MLIP: variants seen among roughly 807,000 people sequenced by gnomAD.
The protein encoded by MLIP is muscular LMNA-interacting protein.
MLIP carries 79 observed loss-of-function variants against 84.8 expected under a neutral mutation model. The ratio of observed to expected loss-of-function variants is 0.93; its 90% CI spans 0.78 to 1.12. The LOEUF (loss-of-function observed/expected upper bound fraction) is 1.12, where lower values mean the gene tolerates loss of function less well. MLIP is among the 50% of genes most tolerant of loss of function. The probability of loss-of-function intolerance (pLI) is 0.00; values close to 1 mark genes in which losing one functional copy is unlikely to be tolerated. For synonymous variants in MLIP, 504 were observed against 463.0 expected, an observed-to-expected ratio of 1.09 and a Z score of -1.14; for missense variants, 1,257 against 1,160.6, an observed-to-expected ratio of 1.08 and a Z score of -1.21.
chr6:54,173,270 C>T (rs985113320), intron 9 of MLIP, among the ~76,000 whole-genome samples: 1 of 151,740 alleles, frequency 6.6e-6, no homozygotes, highest in Non-Finnish European at 1.5e-5. Flanking sequence ...GATACTTCTA[C>T]ATACTTGTAG....
At chr6:54,057,624 C>T (rs147889302) in intron 1 of MLIP, among the ~76,000 whole-genome samples, 5 of 152,236 alleles carry the variant, frequency 3.3e-5, no homozygotes, top group South Asian at 2.1e-4. Context: ...AAATACTAAT[C>T]GATTTCTGCT....
chr6:54,228,103 A>C (rs1780709648), intron 11 of MLIP, among the ~76,000 whole-genome samples: 1 of 69,282 alleles, frequency 1.4e-5, no homozygotes. Flanking sequence ...GAATGGCATG[A>C]ACCCCGGAGG....
chr6:54,125,376 G>A (rs1770837457), intron 3 of MLIP, among the ~76,000 whole-genome samples: 1 of 152,168 alleles, frequency 6.6e-6, no homozygotes, highest in Non-Finnish European at 1.5e-5. Context: ...TGTATCCTAA[G>A]GAAAACATCT....
At position 54,149,136 on chromosome 6, in the gene MLIP, T is replaced by C; in HGVS notation, c.2289+9T>C. ...TGCTTTTGGAACAGAAGGTCAGTGT[T>C]GGCTCAAAAACAGTGAATTTTACAT... On this transcript the variant is annotated intron_variant, in intron 5 of 13. Transcript: ENST00000502396. 6.2e-7 allele frequency: 1 copy of C among 1,608,220 alleles called. No homozygotes were observed. The highest frequency in any genetic ancestry group is 8.5e-7 in the Non-Finnish European group (1 of 1,176,470).
intron 1 of MLIP, among the ~76,000 whole-genome samples, chr6:54,034,340 A>G (rs1253221810): frequency 6.6e-6 from 1 of 152,192 alleles, no homozygotes; most frequent in Non-Finnish European, 1.5e-5. Context: ...TTTCACTAAC[A>G]CTAAATAAAT....
At chr6:54,147,517 T>C (rs765387225) in intron 4 of MLIP, among the ~76,000 whole-genome samples, 4 of 151,956 alleles carry the variant, frequency 2.6e-5, no homozygotes, top group African/African-American at 7.3e-5. Context: ...GAGATGGGAG[T>C]GTAGGTTCCT....
At chr6:54,035,031 G>T (rs1460177476) in intron 1 of MLIP, among the ~76,000 whole-genome samples, 1 of 152,070 alleles carries the variant, frequency 6.6e-6, no homozygotes, top group Non-Finnish European at 1.5e-5. Context: ...TGTTGTACAG[G>T]TTTGTAGCCT....
In MLIP at chr6:54,160,769, A is replaced by G. The variant is rs1325170762; in HGVS notation, c.2469A>G (p.Pro823=). The G allele has an allele frequency of 2.5e-6, 4 of 1,604,486 alleles. No homozygotes were observed. Among genetic ancestry groups the G allele is most frequent in the South Asian group, 1.1e-5 (1 of 90,790 alleles). ...CTTCTGATTCTCCTTCAAGGTCCCC[A>G]AAGACATTGTTGGGTTCTGACACAG... ...MHSSDSPSRS[P]KTLLGSDTVK... is the part of the protein sequence containing the mutation. Residue 823 remains proline (P), a synonymous_variant, in exon 8 of 14, where the codon CCA becomes CCG. Coordinates refer to ENST00000502396, the MANE Select transcript of MLIP (RefSeq NM_001281747.2).
At chr6:54,105,865 A>G (rs80343398) in intron 1 of MLIP, among the ~76,000 whole-genome samples, 1,682 of 152,136 alleles carry the variant, frequency 0.011, 22 homozygotes, top group Non-Finnish European at 0.017. Context: ...AGAAAAGGGG[A>G]GAGTGGTAGG....
intron 4 of MLIP, among the ~76,000 whole-genome samples, chr6:54,144,556 C>T (rs1474162271): frequency 9.2e-5 from 14 of 152,180 alleles, no homozygotes; most frequent in Admixed American, 9.2e-4. Flanking sequence ...AGATCCTTTG[C>T]CTGTGCAGTC....
intron 1 of MLIP, among the ~76,000 whole-genome samples, chr6:54,020,957 C>T (rs1350746254): frequency 6.6e-6 from 1 of 152,148 alleles, no homozygotes; most frequent in Non-Finnish European, 1.5e-5. Context: ...GAACCTGGCA[C>T]CTTTCAGATA....
intron 11 of MLIP, chr6:54,215,536 G>T: frequency 2.6e-6 from 1 of 388,640 alleles, no homozygotes; most frequent in Non-Finnish European, 3.9e-6. Flanking sequence ...TGATGTATGT[G>T]TACATTGTAT....
At chr6:54,024,396 A>T (rs926859734) in intron 1 of MLIP, among the ~76,000 whole-genome samples, 4 of 152,226 alleles carry the variant, frequency 2.6e-5, no homozygotes, top group Non-Finnish European at 5.9e-5. Context: ...AACAAAAAAC[A>T]TGAGATTCGT....
In MLIP at chr6:54,265,193, T is replaced by A. The variant is rs145675391; in HGVS notation, c.2977-757T>A. Among the ~76,000 whole-genome samples, 600 of 152,280 alleles carry A rather than the reference T, an allele frequency of 3.9e-3. 3 individuals are homozygous for A. Among genetic ancestry groups the A allele is most frequent in the African/African-American group, 0.014 (567 of 41,576 alleles). On this transcript the variant is annotated intron_variant, in intron 13 of 13. Transcript: ENST00000502396. ...CCATTGGTGTTATTCCGTCACATTG[T>A]TCTATCAGAGACATGTCTTAGAACT...
chr6:54,226,985 T>G (rs1159370319), intron 11 of MLIP, among the ~76,000 whole-genome samples: 1 of 152,162 alleles, frequency 6.6e-6, no homozygotes, highest in Non-Finnish European at 1.5e-5. Context: ...CCAAATCTCT[T>G]GTTGAATTGT....
chr6:54,019,565 T>G (rs1393530511), intron 1 of MLIP, among the ~76,000 whole-genome samples: 1 of 152,224 alleles, frequency 6.6e-6, no homozygotes, highest in African/African-American at 2.4e-5. Context: ...GTTATACAAG[T>G]AATTTTGCCT....
chr6:54,069,736 A>T (rs1333257908), intron 1 of MLIP, among the ~76,000 whole-genome samples: 1 of 99,224 alleles, frequency 1.0e-5, no homozygotes, highest in African/African-American at 2.6e-5. Context: ...AGGGATGCAG[A>T]ACTCGTCTAT....
chr6:54,116,567 G>C (rs748149340), intron 1 of MLIP, among the ~76,000 whole-genome samples: 26 of 152,250 alleles, frequency 1.7e-4, no homozygotes, highest in Non-Finnish European at 3.7e-4. Flanking sequence ...AATCTGAACA[G>C]AACAGTCATG....
At chr6:54,216,402 A>G in intron 11 of MLIP, 1 of 985,320 alleles carries the variant, frequency 1.0e-6, no homozygotes, top group Non-Finnish European at 1.2e-6. Flanking sequence ...GAAAAACATA[A>G]AACTCAGCAT....
Sources: allele counts gnomAD v4.1 joint callset (sites outside exome capture counted in the v4.1 genomes callset), GRCh38; gene constraint gnomAD v4.1.1; transcripts MANE v1.5; gene names NCBI Gene and HGNC (gene_info 2026-07-23, HGNC 2026-07-21).